Variants in PPFIBP2 observed in about 807,000 individuals in gnomAD.
The protein encoded by PPFIBP2 is liprin-beta-2.
Under a neutral mutation model 118.3 loss-of-function variants are expected in PPFIBP2, and 118 were observed. The observed-to-expected ratio is 1.00, with a 90% CI of 0.86 to 1.16. The LOEUF is 1.16. Among genes scored for constraint, PPFIBP2 ranks in the 50% most tolerant of loss-of-function variants. The pLI, the probability that PPFIBP2 is intolerant of heterozygous loss-of-function variation, is 0.00. For synonymous variants in PPFIBP2, 414 were observed against 397.4 expected, an observed-to-expected ratio of 1.04 and a Z score of -0.50; for missense variants, 1,195 against 1,073.1, an observed-to-expected ratio of 1.11 and a Z score of -1.59.
At position 7,610,180 on chromosome 11, in the gene PPFIBP2, C is replaced by A. The variant is rs371040295; in HGVS notation, c.487-111C>A. On this transcript the variant is annotated intron_variant, in intron 5 of 23. Coordinates refer to ENST00000299492, the MANE Select transcript of PPFIBP2 (RefSeq NM_003621.5). ...TGACTCTCATGTAGCAGTCTCAATT[C>A]TGTGTTGTTGAACACACAACTTAGG... is the stretch of plus-strand genomic sequence containing the variant. The A allele has an allele frequency of 5.3e-5, 71 of 1,336,736 alleles. 1 individual carries two copies. The South Asian group carries it at 8.1e-4, about 15-fold the overall frequency. The allele number at this position is 1,336,736 out of a possible 1,614,324, so 82.8% of individuals were successfully genotyped here.
At chr11:7,606,074 G>C (rs549602170) in intron 5 of PPFIBP2, 2 of 1,493,202 alleles carry the variant, frequency 1.3e-6, no homozygotes, top group South Asian at 2.6e-5. Context: ...TGGTTCCTTC[G>C]GTTTGGGGAG....
At chr11:7,648,270 A>G in intron 17 of PPFIBP2, 117 bp from the exon 18 acceptor site, 1 of 1,237,232 alleles carries the variant, frequency 8.1e-7, no homozygotes. Context: ...TTGTTTGTTA[A>G]AAAACAGGTT....
At chr11:7,666,772 G>A in the PPFIBP2 span, 1 of 433,614 alleles carries the variant, frequency 2.3e-6, no homozygotes, top group Non-Finnish European at 4.2e-6. Context: ...ACCTCCATGG[G>A]ATGTAGGTTC....
chr11:7,653,221 C>G lies in PPFIBP2; in HGVS notation c.*3C>G. On this transcript the variant is annotated 3_prime_UTR_variant, in exon 24 of 24. Coordinates refer to ENST00000299492, the MANE Select transcript of PPFIBP2 (RefSeq NM_003621.5). ...ACCAGGTGGGACAGATTAGCTGATGCCCTTGTCACCTGCCCTCTGTGCACC... is the reference window on the plus strand; with the variant it reads ...ACCAGGTGGGACAGATTAGCTGATGGCCTTGTCACCTGCCCTCTGTGCACC... 1 of 1,614,052 alleles carries G rather than the reference C, an allele frequency of 6.2e-7. No homozygotes were observed. Among genetic ancestry groups the G allele is most frequent in the Non-Finnish European group, 8.5e-7 (1 of 1,180,010 alleles).
downstream of PPFIBP2, chr11:7,655,332 C>A: frequency 1.1e-6 from 1 of 892,572 alleles, no homozygotes; most frequent in Non-Finnish European, 1.6e-6. Flanking sequence ...AGAAGCATGC[C>A]CTGGAGAAGC....
chr11:7,600,063 G>C (rs1861152885), intron 5 of PPFIBP2, among the ~76,000 whole-genome samples: 1 of 152,078 alleles, frequency 6.6e-6, no homozygotes, highest in Non-Finnish European at 1.5e-5. Flanking sequence ...GCATATTTTG[G>C]AGTATGGTAG....
At chr11:7,593,080 A>G (rs1859637965) in intron 3 of PPFIBP2, 52 bp from the exon 4 acceptor site, 4 of 1,600,172 alleles carry the variant, frequency 2.5e-6, no homozygotes, top group Middle Eastern at 1.7e-4. Context: ...AGAAGTTGGT[A>G]AGATGTTTTT....
intron 1 of PPFIBP2, among the ~76,000 whole-genome samples, chr11:7,545,021 A>C (rs1852188860): frequency 6.6e-6 from 1 of 152,140 alleles, no homozygotes; most frequent in Admixed American, 6.5e-5. Context: ...ATGTCATCAG[A>C]CAGCATGTTT....
chr11:7,581,037 T>C (rs111605592), intron 3 of PPFIBP2, among the ~76,000 whole-genome samples: 4,435 of 152,296 alleles, frequency 0.029, 88 homozygotes, highest in Non-Finnish European at 0.043. Flanking sequence ...TGGGCCACCA[T>C]AGGTGACCAG....
At chr11:7,663,459 C>CG in the PPFIBP2 span, among the ~76,000 whole-genome samples, 1 of 152,222 alleles carries the variant, frequency 6.6e-6, no homozygotes, top group East Asian at 1.9e-4. Flanking sequence ...TTAGGCTGCT[C>CG]AGGGGTCAGT....
chr11:7,551,703 T>C (rs189347648), intron 2 of PPFIBP2, among the ~76,000 whole-genome samples: 55 of 152,348 alleles, frequency 3.6e-4, no homozygotes, highest in Middle Eastern at 3.4e-3. Flanking sequence ...TTTCACAATA[T>C]TGAATTTTTG....
intron 1 of PPFIBP2, among the ~76,000 whole-genome samples, chr11:7,527,426 G>A (rs1015623998): frequency 6.6e-6 from 1 of 152,106 alleles, no homozygotes; most frequent in African/African-American, 2.4e-5. Context: ...AGCAGAGGTA[G>A]AGCATACTTC....
intron 1 of PPFIBP2, among the ~76,000 whole-genome samples, chr11:7,521,145 T>G (rs1412284757): frequency 6.6e-6 from 1 of 152,230 alleles, no homozygotes. Flanking sequence ...TATTCTTACT[T>G]TCACTTCCTC....
At chr11:7,550,970 C>T (rs977262648) in intron 2 of PPFIBP2, among the ~76,000 whole-genome samples, 7 of 152,176 alleles carry the variant, frequency 4.6e-5, no homozygotes, top group East Asian at 3.9e-4. Context: ...AGTTTGCAGA[C>T]GGCCTATTGT....
intron 7 of PPFIBP2, among the ~76,000 whole-genome samples, chr11:7,624,453 T>C (rs1157079150): frequency 1.3e-5 from 2 of 152,122 alleles, no homozygotes; most frequent in Admixed American, 1.3e-4. Flanking sequence ...AGCAACAGAG[T>C]TGCCAACAGG....
Position 7,651,721 on chromosome 11 carries a change from G to A in PPFIBP2, c.2313G>A (p.Thr771=), listed in dbSNP as rs771600236. The A allele has an allele frequency of 1.1e-5, 17 of 1,613,798 alleles. No individual in the cohort carries two copies. Among genetic ancestry groups the A allele is most frequent in the Middle Eastern group, 1.6e-4 (1 of 6,082 alleles). ...TTCTCAACATCCCCCCACAAAAGAC[G>A]CTCCTCAGGCGCCACCTGACCACCA... ...AMLLNIPPQK[T]LLRRHLTTKF... is the part of the protein sequence containing the mutation. Residue 771 remains threonine, a synonymous_variant, in exon 23 of 24, where the codon ACG becomes ACA. Transcript: ENST00000299492.
intron 2 of PPFIBP2, among the ~76,000 whole-genome samples, chr11:7,554,201 A>T (rs1229030337): frequency 6.6e-6 from 1 of 152,212 alleles, no homozygotes; most frequent in Non-Finnish European, 1.5e-5. Flanking sequence ...TCAAGTACCC[A>T]AAGAATGTAT....
intron 3 of PPFIBP2, among the ~76,000 whole-genome samples, chr11:7,578,644 C>A (rs1355599892): frequency 2.0e-5 from 3 of 152,274 alleles, no homozygotes; most frequent in Admixed American, 1.3e-4. Flanking sequence ...AGGAAATAAA[C>A]CTCAGATTAC....
chr11:7,552,761 C>G (rs866430103), intron 2 of PPFIBP2, among the ~76,000 whole-genome samples: 7 of 152,118 alleles, frequency 4.6e-5, no homozygotes, highest in South Asian at 2.1e-4. Context: ...CTTGCCCCCC[C>G]CTCTCCTGGA....
Sources: gnomAD v4.1 joint callset for allele counts (sites outside exome capture counted in the v4.1 genomes callset) on GRCh38, gnomAD v4.1.1 for gene constraint, MANE v1.5 for transcripts, NCBI Gene and HGNC (gene_info 2026-07-23, HGNC 2026-07-21) for gene names.